Variants in COL16A1 observed in about 807,000 individuals in gnomAD.
COL16A1 encodes collagen type XVI alpha 1 chain, also known as collagen alpha-1(XVI) chain.
A neutral mutation model predicts 266.3 loss-of-function variants in COL16A1; 189 were observed. The ratio of observed to expected loss-of-function variants is 0.71; its 90% CI spans 0.63 to 0.80. The LOEUF (loss-of-function observed/expected upper bound fraction) is 0.80, where lower values mean the gene tolerates loss of function less well. COL16A1 is among the 30% of genes least tolerant of loss of function. The pLI, the probability that COL16A1 is intolerant of heterozygous loss-of-function variation, is 0.00. For missense variants in COL16A1, 1,928 were observed against 2,122.4 expected, an observed-to-expected ratio of 0.91 and a Z score of 1.80; for synonymous variants, 740 against 782.3, an observed-to-expected ratio of 0.95 and a Z score of 0.90.
rs759915042 is a variant in COL16A1, at chr1:31,671,591, G to C, written c.3150+24C>G. ...GACCCCTTTGAGAGCTTCTCAAGCAGACCAGGGCACCACTGATACTTACGA... is the reference window on the plus strand; with the variant it reads ...GACCCCTTTGAGAGCTTCTCAAGCACACCAGGGCACCACTGATACTTACGA... On this transcript the variant is annotated intron_variant, in intron 48 of 70. Transcript: ENST00000373672. The C allele has an allele frequency of 3.1e-6, 5 of 1,614,008 alleles. No individual in the cohort carries two copies. In the Middle Eastern group the frequency reaches 4.9e-4, roughly 160 times the overall value.
rs914068488 is a variant in COL16A1 at position 31,691,626 on chromosome 1, A to C, written c.1274T>G (p.Ile425Ser). The change falls in exon 18 of 71, where the codon ATC becomes AGC. Residue 425 changes from isoleucine to serine, a missense_variant. Physicochemically the swap from Ile to Ser is moderately radical, Grantham distance 142 (BLOSUM62 -2). Coordinates refer to ENST00000373672, the MANE Select transcript of COL16A1 (RefSeq NM_001856.4). ...CTGCCCTTTGGGCCCAATGACACAG[A>C]TCTCTCCTGGCCGGCCCTGTGGGGG... ...KPGRDGRPGE[I>S]CVIGPKGQKG... is the part of the protein sequence containing the mutation. The C allele has an allele frequency of 6.2e-7, 1 of 1,613,604 alleles. No individual in the cohort carries two copies. The highest frequency in any genetic ancestry group is 1.3e-5 in the African/African-American group (1 of 74,996).
chr1:31,700,002 G>T, intron 3 of COL16A1, 39 bp downstream of exon 3: 1 of 1,609,622 alleles, frequency 6.2e-7, no homozygotes, highest in South Asian at 1.1e-5. Context: ...CCCAGAGGAA[G>T]GTTGCAGGGA....
At position 31,675,203 on chromosome 1, in the gene COL16A1, A is replaced by C. The variant is rs1283612059; in HGVS notation, c.2826+55T>G. 5.0e-6 allele frequency: 8 copies of C among 1,613,500 alleles called. No homozygotes were observed. In the African/African-American group the frequency reaches 8.0e-5, roughly 16 times the overall value. On this transcript the variant is annotated intron_variant, in intron 43 of 70. Coordinates refer to ENST00000373672, the MANE Select transcript of COL16A1 (RefSeq NM_001856.4). ...ACCGGGCCAGCTTCATAGCCTGAGC[A>C]GCCCTGGGAAGGGCAGGGAAGGGGC...
intron 26 of COL16A1, among the ~76,000 whole-genome samples, chr1:31,687,409 G>A (rs546635954): frequency 5.1e-5 from 5 of 97,500 alleles, no homozygotes; most frequent in Non-Finnish European, 1.2e-4. Flanking sequence ...AACCAACAAC[G>A]CACAGACACA....
rs1644168961 is a variant in COL16A1 at position 31,689,725 on chromosome 1, C to A, written c.1620+16G>T. 1.2e-6 allele frequency: 2 copies of A among 1,605,902 alleles called. No individual in the cohort carries two copies. Among genetic ancestry groups the A allele is most frequent in the African/African-American group, 1.3e-5 (1 of 74,750 alleles). ...GTGTTGGGGGAGGTCCCTCAATGGT[C>A]ACCCTGGGCACTCACCCTGGCTGGT... On this transcript the variant is annotated intron_variant, in intron 23 of 70. Coordinates refer to ENST00000373672, the MANE Select transcript of COL16A1 (RefSeq NM_001856.4).
At chr1:31,691,166 C>CCA in intron 20 of COL16A1, 22 bp downstream of exon 20, 1 of 1,612,196 alleles carries the variant, frequency 6.2e-7, no homozygotes, top group Non-Finnish European at 8.5e-7. Flanking sequence ...CCCCACGTGA[C>CCA]CACACTCCCA....
Position 31,692,619 on chromosome 1 carries a change from C to T in COL16A1, c.1137G>A (p.Glu379=). The T allele has an allele frequency of 6.2e-7, 1 of 1,614,190 alleles. No individual in the cohort carries two copies. The highest frequency in any genetic ancestry group is 8.5e-7 in the Non-Finnish European group (1 of 1,180,018). The change falls in exon 15 of 71, where the codon GAG becomes GAA. Residue 379 remains glutamate, a synonymous_variant. Transcript: ENST00000373672. ...TCACCAGAGCTCCTGACTCCCCCTT[C>T]TCTCCCTTCGGGCCTTCTGCACACT... ...PLQCAEGPKG[E]KGESGALGPS... is the part of the protein sequence containing the mutation.
chr1:31,664,394 TCTCAGGGGAAAGAGGCTCTCCACAAGG>T lies in COL16A1; in HGVS notation c.3555+751_3555+777del, dbSNP rs1432918262. On this transcript the variant is annotated intron_variant, in intron 56 of 70. Transcript: ENST00000373672. This position sits in a 1 kb window ranked among gnomAD's most constrained non-coding sequence, Gnocchi z 5.5. The stretch of plus-strand genomic sequence containing the variant: ...CACAGTGAGACGTTCATGCGTGTGC[TCTCAGGGGAAAGAGGCTCTCCACAAGG>T]CTCAGGGGAAAGAGGCTCCCACCTG... Among the ~76,000 whole-genome samples the T allele has an allele frequency of 4.6e-5, 7 of 152,062 alleles. No homozygotes were observed. The highest frequency in any genetic ancestry group is 8.8e-5 in the Non-Finnish European group (6 of 68,004).
At chr1:31,679,192 C>T in intron 42 of COL16A1, 2 of 500,550 alleles carry the variant, frequency 4.0e-6, no homozygotes, top group South Asian at 3.3e-5. Context: ...TATTGTCTGT[C>T]TCTCTTACTA....
rs563458298 is a variant in COL16A1, at chr1:31,655,387, G to C, written c.4217C>G (p.Ala1406Gly). The change falls in exon 67 of 71, where the codon GCA (alanine) becomes GGA (glycine). Residue 1406 changes from alanine (A) to glycine (G), a missense_variant. Ala to Gly is a moderately conservative substitution (Grantham distance 60, BLOSUM62 0). Coordinates refer to ENST00000373672, the MANE Select transcript of COL16A1 (RefSeq NM_001856.4). ...AGCTCCAGGGTGGCCTCTCTCTCCT[G>C]CAGGGCCCGGTGGCCCAACAGGCCC... ...SMGPVGPPGPAGERGHPGAPG... is the reference protein window; with the variant it reads ...SMGPVGPPGPGGERGHPGAPG... The C allele has an allele frequency of 2.9e-5, 47 of 1,614,022 alleles. No individual in the cohort carries two copies. The East Asian group carries it at 6.7e-4, about 23-fold the overall frequency.
Position 31,689,094 on chromosome 1 carries a change from TA to T in COL16A1, c.1621-10del. 6.2e-7 allele frequency: 1 copy of T among 1,613,514 alleles called. No individual in the cohort carries two copies. Among genetic ancestry groups the T allele is most frequent in the Non-Finnish European group, 8.5e-7 (1 of 1,179,964 alleles). On this transcript the variant is annotated splice_polypyrimidine_tract_variant and intron_variant, in intron 23 of 70. Coordinates refer to ENST00000373672, the MANE Select transcript of COL16A1 (RefSeq NM_001856.4). The stretch of plus-strand genomic sequence containing the variant: ...TGGATGCCAGGGTCTCCCTGCAGGG[TA>T]AAAAGGTTTGTGGGCTGAGGCAGGG...
chr1:31,658,461 G>T, intron 64 of COL16A1, 27 bp downstream of exon 64: 2 of 1,564,238 alleles, frequency 1.3e-6, no homozygotes, highest in African/African-American at 1.3e-5. Context: ...TTCCCCCTGG[G>T]CTATGCTGTA....
At chr1:31,658,858 C>T (rs933052606) in intron 63 of COL16A1, 56 bp downstream of exon 63, 3 of 1,534,870 alleles carry the variant, frequency 2.0e-6, no homozygotes, top group Admixed American at 3.9e-5. Flanking sequence ...ATGGAGCCCA[C>T]AGTCAAGCAG....
chr1:31,665,185 G>A lies in COL16A1; in HGVS notation c.3542C>T (p.Pro1181Leu). 2 of 1,603,122 alleles carry A rather than the reference G, an allele frequency of 1.2e-6. No individual in the cohort carries two copies. The highest frequency in any genetic ancestry group is 1.7e-6 in the Non-Finnish European group (2 of 1,177,036). ...GKVGSPGPPG[P>L]QAEKGSEGIR... Reference sequence around the variant, plus strand: ...GGTCCTGCTCACCTTCTCTGCTTGAGGGCCAGGTGGGCCAGGTGATCCAAC... The same window carrying A: ...GGTCCTGCTCACCTTCTCTGCTTGAAGGCCAGGTGGGCCAGGTGATCCAAC... Residue 1181 changes from proline to leucine, a missense_variant, in exon 56 of 71, where the codon CCT (proline) becomes CTT (leucine). Transcript: ENST00000373672.
chr1:31,681,642 T>A (rs1486807170), intron 37 of COL16A1, among the ~76,000 whole-genome samples: 1 of 152,076 alleles, frequency 6.6e-6, no homozygotes, highest in Admixed American at 6.5e-5. Context: ...TGAGTAGAGG[T>A]CTGGAACGTT....
rs200086631 is a variant in COL16A1 at position 31,674,998 on chromosome 1, C to A, written c.2859+9G>T. On this transcript the variant is annotated intron_variant, in intron 44 of 70. Coordinates refer to ENST00000373672, the MANE Select transcript of COL16A1 (RefSeq NM_001856.4). ...CCAGCTCACACTTCCCTCCTGGGTA[C>A]CCTCTTACCTTAAGGAGGTGCTGTT... 97 of 1,611,856 alleles carry A rather than the reference C, an allele frequency of 6.0e-5. No homozygotes were observed. The Middle Eastern group carries it at 1.5e-3, about 25-fold the overall frequency.
rs183743814 is a variant in COL16A1, at chr1:31,682,345, G to C, written c.2538+589C>G. On this transcript the variant is annotated intron_variant, in intron 37 of 70. Coordinates refer to ENST00000373672, the MANE Select transcript of COL16A1 (RefSeq NM_001856.4). ...GAAGTAGTTGCTGGTCTGGATCTGT[G>C]CCGTCTGATACAGTAGTCCATAGCC... is the stretch of plus-strand genomic sequence containing the variant. 1.9e-3 allele frequency among the ~76,000 whole-genome samples: 287 copies of C among 152,312 alleles called. 2 individuals carry two copies. The highest frequency in any genetic ancestry group is 0.015 in the Admixed American group (232 of 15,302).
At chr1:31,679,990 T>C in intron 40 of COL16A1, 52 bp downstream of exon 40, 1 of 1,607,142 alleles carries the variant, frequency 6.2e-7, no homozygotes, top group Non-Finnish European at 8.5e-7. Context: ...CAGACGAGGC[T>C]GAAGCTGGTC....
chr1:31,665,060 G>A (rs1312667921), intron 56 of COL16A1, 112 bp downstream of exon 56: 12 of 1,486,416 alleles, frequency 8.1e-6, no homozygotes, highest in Non-Finnish European at 9.1e-6. Flanking sequence ...CAGCCTCAGT[G>A]CAACTGGGTC....
Sources: allele counts gnomAD v4.1 joint callset (sites outside exome capture counted in the v4.1 genomes callset), GRCh38; gene constraint gnomAD v4.1.1; non-coding constraint Gnocchi (gnomAD v3.1); transcripts MANE v1.5; gene names NCBI Gene and HGNC (gene_info 2026-07-23, HGNC 2026-07-21).